LRP1B: variants seen among roughly 807,000 people sequenced by gnomAD.
LRP1B encodes LDL receptor related protein 1B.
A neutral mutation model predicts 556.6 loss-of-function variants in LRP1B; 217 were observed. The ratio of observed to expected loss-of-function variants is 0.39; its 90% CI spans 0.35 to 0.44. LRP1B has a LOEUF of 0.44. Ranked by LOEUF, LRP1B falls within the 20% of genes least tolerant of loss-of-function variation. The pLI, the probability that LRP1B is intolerant of heterozygous loss-of-function variation, is 1.00. For synonymous variants in LRP1B, 2,047 were observed against 1,865.8 expected, an observed-to-expected ratio of 1.10 and a Z score of -2.50; for missense variants, 5,053 against 5,620.8, an observed-to-expected ratio of 0.90 and a Z score of 3.23.
chr2:141,307,407 A>G (rs1297215250), intron 3 of LRP1B, among the ~76,000 whole-genome samples: 3 of 151,966 alleles, frequency 2.0e-5, no homozygotes, highest in Non-Finnish European at 2.9e-5. Flanking sequence ...AGTCTGTATT[A>G]TCTGGTATGT....
intron 1 of LRP1B, among the ~76,000 whole-genome samples, chr2:141,887,281 C>T (rs1458418660): frequency 1.3e-5 from 2 of 152,152 alleles, no homozygotes; most frequent in African/African-American, 2.4e-5. Context: ...CAGGCATGTG[C>T]CCCCGTGCCC....
At chr2:141,756,774 G>A (rs1283475781) in intron 2 of LRP1B, among the ~76,000 whole-genome samples, 5 of 152,038 alleles carry the variant, frequency 3.3e-5, no homozygotes, top group Non-Finnish European at 5.9e-5. Context: ...CATACCCTAG[G>A]AGCAATAGGC....
chr2:141,868,765 C>G (rs1380298851), intron 1 of LRP1B, among the ~76,000 whole-genome samples: 2 of 152,014 alleles, frequency 1.3e-5, no homozygotes, highest in Non-Finnish European at 2.9e-5. Context: ...CTTCCAAGTA[C>G]TAAATGCCTA....
At chr2:140,391,582 A>G (rs1398566831) in intron 66 of LRP1B, among the ~76,000 whole-genome samples, 7 of 152,180 alleles carry the variant, frequency 4.6e-5, no homozygotes, top group East Asian at 1.9e-4. Context: ...CAATTACACC[A>G]TGATAAAATA....
intron 1 of LRP1B, among the ~76,000 whole-genome samples, chr2:141,955,639 C>A (rs547143797): frequency 3.9e-5 from 6 of 152,066 alleles, no homozygotes; most frequent in African/African-American, 1.4e-4. Flanking sequence ...AGAGATCAGG[C>A]AAGAGAATGA....
intron 41 of LRP1B, among the ~76,000 whole-genome samples, chr2:140,685,392 A>G (rs77011386): frequency 0.012 from 1,870 of 152,298 alleles, 34 homozygotes; most frequent in African/African-American, 0.043. Flanking sequence ...GAGTCTTATC[A>G]TGCTTCTAAT....
rs557870454 is a variant in LRP1B at position 140,879,766 on chromosome 2, C to T, written c.4169+4051G>A. Among the ~76,000 whole-genome samples the T allele has an allele frequency of 4.8e-4, 73 of 151,968 alleles. 1 individual carries two copies. Among genetic ancestry groups the T allele is most frequent in the Non-Finnish European group, 9.1e-4 (62 of 67,964 alleles). ...TATAGGATGTATGGAAATGTTCAGT[C>T]ACAATAACTTTTAAAAAAAGAAACT... On this transcript the variant is annotated intron_variant, in intron 25 of 90. Transcript: ENST00000389484.
intron 1 of LRP1B, among the ~76,000 whole-genome samples, chr2:142,080,334 TA>T (rs796894460): frequency 1.2e-4 from 18 of 152,286 alleles, no homozygotes; most frequent in African/African-American, 4.1e-4. Flanking sequence ...AAGTTCACAA[TA>T]AATGATCCAA....
At chr2:141,417,744 C>T (rs1679959451) in intron 3 of LRP1B, among the ~76,000 whole-genome samples, 1 of 147,434 alleles carries the variant, frequency 6.8e-6, no homozygotes, top group Non-Finnish European at 1.5e-5. Context: ...ATTGCTGCAT[C>T]ATATGGTAGT....
intron 1 of LRP1B, among the ~76,000 whole-genome samples, chr2:142,079,858 C>T (rs1321373237): frequency 6.6e-6 from 1 of 152,064 alleles, no homozygotes; most frequent in Non-Finnish European, 1.5e-5. Flanking sequence ...TTTTAATTTG[C>T]ATTTTACACA....
rs16845488 is a variant in LRP1B at position 141,140,295 on chromosome 2, C to T, written c.1013+48126G>A. The stretch of plus-strand genomic sequence containing the variant: ...TATATATTTCATCACGTCTTTCAAC[C>T]GTGTCGCTTATTGAACGTCAATTAT... On this transcript the variant is annotated intron_variant, in intron 7 of 90. Transcript: ENST00000389484. Among the ~76,000 whole-genome samples, 1,149 of 151,976 alleles carry T rather than the reference C, an allele frequency of 7.6e-3. 66 individuals are homozygous for T. The East Asian group carries it at 0.13, about 17-fold the overall frequency.
intron 3 of LRP1B, among the ~76,000 whole-genome samples, chr2:141,439,020 T>C (rs1336320219): frequency 6.6e-6 from 1 of 152,184 alleles, no homozygotes; most frequent in African/African-American, 2.4e-5. Context: ...TGATCCAATT[T>C]GAAAAATTGG....
intron 84 of LRP1B, among the ~76,000 whole-genome samples, chr2:140,294,743 A>G (rs1683531027): frequency 6.6e-6 from 1 of 152,156 alleles, no homozygotes; most frequent in South Asian, 2.1e-4. Context: ...GGTCATGACA[A>G]TGGTGGAACA....
At position 140,671,516 on chromosome 2, in the gene LRP1B, A is replaced by G. The variant is rs893978391; in HGVS notation, c.6799+28734T>C. Among the ~76,000 whole-genome samples, 3 of 151,852 alleles carry G rather than the reference A, an allele frequency of 2.0e-5. No individual in the cohort carries two copies. The East Asian group carries it at 6.0e-4, about 30-fold the overall frequency. On this transcript the variant is annotated intron_variant, in intron 41 of 90. Coordinates refer to ENST00000389484, the MANE Select transcript of LRP1B (RefSeq NM_018557.3). The stretch of plus-strand genomic sequence containing the variant: ...AACCTGGGCAACAGAGCGAGACTCC[A>G]TCTCAAACAAACAAACAAACAAAAA...
At chr2:141,046,879 T>A (rs1239808400) in intron 11 of LRP1B, among the ~76,000 whole-genome samples, 1 of 151,970 alleles carries the variant, frequency 6.6e-6, no homozygotes, top group African/African-American at 2.4e-5. Flanking sequence ...GTCAGGAGTT[T>A]GAGACCAACC....
chr2:140,703,157 C>T (rs1406009299), intron 37 of LRP1B, among the ~76,000 whole-genome samples: 1 of 152,004 alleles, frequency 6.6e-6, no homozygotes, highest in Non-Finnish European at 1.5e-5. Flanking sequence ...ACTTAGACTG[C>T]TAAATGTAAC....
intron 1 of LRP1B, among the ~76,000 whole-genome samples, chr2:141,868,346 A>G (rs1011733388): frequency 6.6e-6 from 1 of 152,108 alleles, no homozygotes; most frequent in African/African-American, 2.4e-5. Flanking sequence ...TTTGATTTAC[A>G]TTTCAAATTT....
intron 3 of LRP1B, 83 bp from the exon 4 acceptor site, chr2:141,254,724 TATA>T: frequency 9.2e-7 from 1 of 1,089,200 alleles, no homozygotes; most frequent in Non-Finnish European, 1.3e-6. Context: ...ATCCTTACAC[TATA>T]GTCTTGATTG....
intron 37 of LRP1B, among the ~76,000 whole-genome samples, chr2:140,711,394 A>G (rs1687026572): frequency 6.6e-6 from 1 of 151,956 alleles, no homozygotes; most frequent in Non-Finnish European, 1.5e-5. Flanking sequence ...CACTCATACC[A>G]GCTGGACCTT....
Sources: allele counts gnomAD v4.1 joint callset (sites outside exome capture counted in the v4.1 genomes callset), GRCh38; gene constraint gnomAD v4.1.1; transcripts MANE v1.5; gene names NCBI Gene and HGNC (gene_info 2026-07-23, HGNC 2026-07-21).